The following VAMP3 variants were observed in gnomAD, a reference collection of about 807,000 sequenced individuals.
VAMP3 encodes the protein vesicle-associated membrane protein 3.
In VAMP3, 11 loss-of-function variants were observed where a neutral mutation model predicts 18.1. That is an observed-to-expected ratio of 0.61 (90% CI 0.38 to 1.00). VAMP3 has a LOEUF of 1.00. Ranked by LOEUF, VAMP3 falls within the 50% of genes least tolerant of loss-of-function variation. The pLI is 0.01. For synonymous variants in VAMP3, 49 were observed against 43.1 expected (o/e 1.14, Z -0.53); for missense variants, 122 against 127.3 (o/e 0.96, Z 0.20).
intron 2 of VAMP3, among the ~76,000 whole-genome samples, chr1:7,775,915 A>T (rs2097054088): frequency 6.6e-6 from 1 of 152,200 alleles, no homozygotes; most frequent in South Asian, 2.1e-4. Flanking sequence ...CAATTGGCCC[A>T]GCACTGTTTA....
intron 4 of VAMP3, 98 bp from the exon 5 acceptor site, chr1:7,779,528 T>C: frequency 6.5e-7 from 1 of 1,533,404 alleles, no homozygotes. Flanking sequence ...TAATTTCTGA[T>C]CACATTTAGA....
At position 7,773,507 on chromosome 1, in the gene VAMP3, A is replaced by G; in HGVS notation, c.68A>G (p.Asp23Gly). Residue 23 changes from aspartate to glycine, a missense_variant, in exon 2 of 5, where the codon GAT becomes GGT. Asp to Gly is a moderately conservative substitution (Grantham distance 94). Transcript: ENST00000054666. ...CTTCAGCAGACACAAAATCAAGTAG[A>G]TGAGGTATTGCTCTGAAATGTTGGA... ...RRLQQTQNQV[D>G]EVVDIMRVNV... 1 of 1,613,872 alleles carries G rather than the reference A, an allele frequency of 6.2e-7. No individual in the cohort carries two copies. Among genetic ancestry groups the G allele is most frequent in the Non-Finnish European group, 8.5e-7 (1 of 1,179,778 alleles).
chr1:7,778,312 CA>C (rs1208850923), intron 4 of VAMP3, 143 bp downstream of exon 4: 1 of 985,042 alleles, frequency 1.0e-6, no homozygotes. Flanking sequence ...CCTGTAATCC[CA>C]AAGCTTTGGG....
In VAMP3 at chr1:7,775,951, G is replaced by A. The variant is rs1023758520; in HGVS notation, c.73-1209G>A. Reference sequence around the variant, plus strand: ...TTGAAAAGACTGTTGGATGGCCTTCGCACTCTTGTCAAAAATCAATTGGCC... The same window carrying A: ...TTGAAAAGACTGTTGGATGGCCTTCACACTCTTGTCAAAAATCAATTGGCC... On this transcript the variant is annotated intron_variant, in intron 2 of 4. Transcript: ENST00000054666. Among the ~76,000 whole-genome samples, 48 of 152,128 alleles carry A rather than the reference G, an allele frequency of 3.2e-4. 1 individual carries two copies. The highest frequency in any genetic ancestry group is 1.9e-4 in the Non-Finnish European group (13 of 68,016).
chr1:7,771,389 A>C lies in VAMP3; in HGVS notation c.2+4A>C, dbSNP rs1406848778. On this transcript the variant is annotated splice_donor_region_variant and intron_variant, in intron 1 of 4. Coordinates refer to ENST00000054666, the MANE Select transcript of VAMP3 (RefSeq NM_004781.4). ...CCGCCGCCGCAGCTGCCAAAATGTG[A>C]GTGACGCTACGCGACGCGGGCGGCT... The C allele has an allele frequency of 6.3e-7, 1 of 1,587,728 alleles. No individual in the cohort carries two copies. The highest frequency in any genetic ancestry group is 1.7e-5 in the Admixed American group (1 of 58,778).
intron 2 of VAMP3, 59 bp downstream of exon 2, chr1:7,773,570 C>G: frequency 6.7e-7 from 1 of 1,483,036 alleles, no homozygotes. Context: ...CTCTGGAAAT[C>G]TGTTTAGAAA....
At chr1:7,775,788 C>A (rs1190292158) in intron 2 of VAMP3, among the ~76,000 whole-genome samples, 2 of 152,100 alleles carry the variant, frequency 1.3e-5, no homozygotes, top group Non-Finnish European at 2.9e-5. Flanking sequence ...CTTATGTTTT[C>A]TTCTAAGAGT....
In VAMP3 at chr1:7,780,202, G is replaced by A. The variant is rs1413806188; in HGVS notation, c.*557G>A. ...GAGCTTTTGCTCTTGCATTAGATTT[G>A]AAGATGTTTACATTGTTGTTATTGT... is the stretch of plus-strand genomic sequence containing the variant. On this transcript the variant is annotated 3_prime_UTR_variant, in exon 5 of 5. Coordinates refer to ENST00000054666, the MANE Select transcript of VAMP3 (RefSeq NM_004781.4). 1.3e-5 allele frequency: 2 copies of A among 153,086 alleles called. No homozygotes were observed. Among genetic ancestry groups the A allele is most frequent in the African/African-American group, 4.8e-5 (2 of 41,440 alleles). The allele number at this position is 153,086 out of a possible 1,614,324, so 9.5% of individuals were successfully genotyped here. A position where few individuals can be genotyped will look rare whatever the true frequency, so the allele number is the denominator to read the frequency against.
intron 2 of VAMP3, among the ~76,000 whole-genome samples, chr1:7,774,302 A>C (rs77538734): frequency 0.011 from 1,632 of 152,306 alleles, 31 homozygotes; most frequent in African/African-American, 0.037. Context: ...TAAGAAACCC[A>C]TTGTAATTCT....
chr1:7,779,905 T>C lies in VAMP3; in HGVS notation c.*260T>C, dbSNP rs899926806. On this transcript the variant is annotated 3_prime_UTR_variant, in exon 5 of 5. Transcript: ENST00000054666. ...GAGGCCTTCTTAAGTTCCAGAGTGC[T>C]ATAATCTAGATGTAATGTTGTCACT... is the stretch of plus-strand genomic sequence containing the variant. 2.1e-6 allele frequency: 1 copy of C among 480,706 alleles called. No homozygotes were observed. Among genetic ancestry groups the C allele is most frequent in the African/African-American group, 2.0e-5 (1 of 50,044 alleles). The allele number at this position is 480,706 out of a possible 1,614,324, so 29.8% of individuals were successfully genotyped here.
intron 2 of VAMP3, chr1:7,776,560 A>G (rs1486431844): frequency 6.6e-6 from 1 of 152,274 alleles, no homozygotes; most frequent in African/African-American, 2.4e-5. Context: ...GGCAGTGTGA[A>G]AGTGAGCATC....
chr1:7,776,970 C>A, intron 2 of VAMP3, 190 bp from the exon 3 acceptor site: 1 of 460,076 alleles, frequency 2.2e-6, no homozygotes, highest in Non-Finnish European at 3.7e-6. Context: ...CCCCTCCCGG[C>A]TGATTTTCTT....
Position 7,779,864 on chromosome 1 carries a change from C to T in VAMP3, c.*219C>T, listed in dbSNP as rs2097056233. 3.5e-6 allele frequency: 2 copies of T among 575,240 alleles called. No individual in the cohort carries two copies. The highest frequency in any genetic ancestry group is 3.0e-6 in the Non-Finnish European group (1 of 329,604). 35.6% of individuals were successfully genotyped at this position (575,240 alleles called of 1,614,324 possible). On this transcript the variant is annotated 3_prime_UTR_variant, in exon 5 of 5. Coordinates refer to ENST00000054666, the MANE Select transcript of VAMP3 (RefSeq NM_004781.4). Reference sequence around the variant, plus strand: ...TTTGCACAGTGCCTTTACAGATTTACGTATGGGCTGATGAAGAGGCCTTCT... The same window carrying T: ...TTTGCACAGTGCCTTTACAGATTTATGTATGGGCTGATGAAGAGGCCTTCT...
intron 2 of VAMP3, 99 bp downstream of exon 2, chr1:7,773,610 A>G (rs2097052545): frequency 1.8e-6 from 2 of 1,130,382 alleles, no homozygotes; most frequent in Admixed American, 2.1e-5. Flanking sequence ...ATGTAAAGCA[A>G]ATTCTGACTG....
chr1:7,777,282 C>T lies in VAMP3; in HGVS notation c.195C>T (p.Ala65=). 1 of 1,613,500 alleles carries T rather than the reference C, an allele frequency of 6.2e-7. No individual in the cohort carries two copies. The highest frequency in any genetic ancestry group is 8.5e-7 in the Non-Finnish European group (1 of 1,179,760). ...CTTCTCAATTTGAAACGAGCGCAGC[C>T]AAGTTGAAGAGGAAATATTGGTGGA... ...AGASQFETSA[A]KLKRKYWWKN... is the part of the protein sequence containing the mutation. Residue 65 remains alanine, a synonymous_variant, in exon 3 of 5, where the codon GCC becomes GCT. Transcript: ENST00000054666.
intron 3 of VAMP3, 65 bp downstream of exon 3, chr1:7,777,383 C>T: frequency 4.6e-6 from 7 of 1,528,982 alleles, no homozygotes; most frequent in South Asian, 1.3e-5. Context: ...AATTAACAGG[C>T]TACAGATAAT....
intron 2 of VAMP3, chr1:7,776,310 C>G (rs891476757): frequency 6.6e-6 from 1 of 152,090 alleles, no homozygotes; most frequent in East Asian, 1.9e-4. Flanking sequence ...CCTTAATTTC[C>G]TTTTCAGATT....
Position 7,780,763 on chromosome 1 carries a change from T to C in VAMP3, c.*1118T>C. ...TTCACATTCTGCTTCCTAAATCAGT[T>C]TTCTAAATTATGCCTGCAATTAGGC... On this transcript the variant is annotated 3_prime_UTR_variant, in exon 5 of 5. Coordinates refer to ENST00000054666, the MANE Select transcript of VAMP3 (RefSeq NM_004781.4). The C allele has an allele frequency of 6.6e-6, 1 of 152,500 alleles. No homozygotes were observed. The highest frequency in any genetic ancestry group is 1.9e-4 in the East Asian group (1 of 5,326). 9.4% of individuals were successfully genotyped at this position (152,500 alleles called of 1,614,324 possible).
chr1:7,771,830 C>T (rs1247501026), intron 1 of VAMP3, among the ~76,000 whole-genome samples: 1 of 152,258 alleles, frequency 6.6e-6, no homozygotes, highest in African/African-American at 2.4e-5. Context: ...CCTTGCCTAG[C>T]TAGGGGCATC....
Sources: allele counts gnomAD v4.1 joint callset (sites outside exome capture counted in the v4.1 genomes callset), GRCh38; gene constraint gnomAD v4.1.1; transcripts MANE v1.5; gene names NCBI Gene and HGNC (gene_info 2026-07-23, HGNC 2026-07-21).